The following TASOR2 variants were observed in gnomAD, a reference collection of about 807,000 sequenced individuals.
TASOR2 encodes the protein protein TASOR 2.
A neutral mutation model predicts 199.5 loss-of-function variants in TASOR2; 84 were observed. The observed-to-expected ratio is 0.42, with a 90% CI of 0.35 to 0.50. The LOEUF (loss-of-function observed/expected upper bound fraction) is 0.50, where lower values mean the gene tolerates loss of function less well. Ranked by LOEUF, TASOR2 falls within the 20% of genes least tolerant of loss-of-function variation. TASOR2 has a pLI of 0.02. For synonymous variants in TASOR2, 1,103 were observed against 1,046.6 expected (o/e 1.05, Z -1.04); for missense variants, 2,796 against 2,835.9 (o/e 0.99, Z 0.32).
At position 5,701,384 on chromosome 10, in the gene TASOR2, A is replaced by G. The variant is rs367772467; in HGVS notation, c.-287-11439A>G. Among the ~76,000 whole-genome samples the G allele has an allele frequency of 1.1e-4, 16 of 152,212 alleles. No individual in the cohort carries two copies. Among genetic ancestry groups the G allele is most frequent in the Non-Finnish European group, 1.6e-4 (11 of 67,986 alleles). ...TAGCTTTGTAGTAAATTTTGAAGTC[A>G]GGTAGTGTGATGCCTCCAGCTTTGT... is the stretch of plus-strand genomic sequence containing the variant. On this transcript the variant is annotated intron_variant, in intron 1 of 20. Coordinates refer to ENST00000328090, the Ensembl canonical transcript of TASOR2. The surrounding 1 kb of genome is among the most constrained non-coding windows in gnomAD (Gnocchi z 4.9).
chr10:5,703,232 G>A (rs1349141647), intron 1 of TASOR2, among the ~76,000 whole-genome samples: 5 of 152,094 alleles, frequency 3.3e-5, no homozygotes, highest in African/African-American at 1.2e-4. Context: ...TTTAAAGGGA[G>A]TACTTTAATG....
intron 1 of TASOR2, among the ~76,000 whole-genome samples, chr10:5,696,227 C>T (rs969217541): frequency 3.3e-5 from 5 of 152,186 alleles, no homozygotes; most frequent in Admixed American, 6.5e-5. Flanking sequence ...AACTTACCAG[C>T]CCATGGCACA....
At chr10:5,753,737 G>T (rs745320550) in intron 15 of TASOR2, among the ~76,000 whole-genome samples, 1 of 152,134 alleles carries the variant, frequency 6.6e-6, no homozygotes, top group Non-Finnish European at 1.5e-5. Context: ...CAAGTTCCTT[G>T]CCATTTCGGT....
intron 20 of TASOR2, 103 bp from the exon 22 acceptor site, chr10:5,762,926 C>G: frequency 9.3e-7 from 1 of 1,078,210 alleles, no homozygotes; most frequent in Non-Finnish European, 1.4e-6. Flanking sequence ...ATAATGTAAC[C>G]TTAGAATGCA....
rs138238864 is a variant in TASOR2 at position 5,758,732 on chromosome 10, C to T, written c.6887-155C>T. 1.2e-3 allele frequency among the ~76,000 whole-genome samples: 188 copies of T among 152,360 alleles called. 3 individuals carry two copies. In the East Asian group the frequency reaches 0.027, roughly 22 times the overall value. Reference sequence around the variant, plus strand: ...CTGAGGGGCTTGTGAGAGCAGGATGCTGCCCAACCACATAAGTGACAGTGA... The same window carrying T: ...CTGAGGGGCTTGTGAGAGCAGGATGTTGCCCAACCACATAAGTGACAGTGA... On this transcript the variant is annotated intron_variant, in intron 17 of 20. Coordinates refer to ENST00000328090, the Ensembl canonical transcript of TASOR2.
At chr10:5,724,889 A>T (rs1218670789) in intron 8 of TASOR2, among the ~76,000 whole-genome samples, 3 of 152,046 alleles carry the variant, frequency 2.0e-5, no homozygotes, top group African/African-American at 7.2e-5. Context: ...AATTAGGCAC[A>T]GTAAGAGATT....
rs118135927 is a variant in TASOR2 at position 5,735,921 on chromosome 10, G to A, written c.1447+375G>A. ...TAGAAGATTATAAGTTTATCTAAAG[G>A]GAATTATAAACAGACTGTCCAAAAC... On this transcript the variant is annotated intron_variant, in intron 12 of 20. Coordinates refer to ENST00000328090, the Ensembl canonical transcript of TASOR2. 6.1e-3 allele frequency among the ~76,000 whole-genome samples: 929 copies of A among 152,150 alleles called. 16 individuals are homozygous for A. Among genetic ancestry groups the A allele is most frequent in the South Asian group, 0.045 (216 of 4,818 alleles).
At position 5,748,336 on chromosome 10, in the gene TASOR2, G is replaced by A; in HGVS notation, c.4915G>A (p.Ala1639Thr). ...TCTGCAGGTGAAGTCCTTGACAGCT[G>A]CCTCGGTTGATGGAGCTTATTCTAC... Residue 1639 changes from alanine to threonine, a missense_variant, in exon 15 of 21, where the codon GCC becomes ACC. Transcript: ENST00000328090. This position sits in a 1 kb window ranked among gnomAD's most constrained non-coding sequence, Gnocchi z 5.1. 1.2e-6 allele frequency: 2 copies of A among 1,614,236 alleles called. No individual in the cohort carries two copies. The highest frequency in any genetic ancestry group is 1.7e-6 in the Non-Finnish European group (2 of 1,180,050).
At chr10:5,712,788 A>G (rs935663533) in intron 1 of TASOR2, 35 bp from the exon 2 acceptor site, 2 of 1,060,820 alleles carry the variant, frequency 1.9e-6, no homozygotes, top group African/African-American at 3.3e-5. Flanking sequence ...TAGTATGTTT[A>G]TAGCGTTTGG....
chr10:5,749,759 A>G (rs76566496), exon 15 of TASOR2: 67 of 1,614,224 alleles, frequency 4.2e-5, no homozygotes, highest in Middle Eastern at 1.6e-4. Flanking sequence ...CTTATTCTCA[A>G]TGAGTATGCT....
intron 8 of TASOR2, among the ~76,000 whole-genome samples, chr10:5,726,505 A>T (rs1320769337): frequency 6.6e-6 from 1 of 152,230 alleles, no homozygotes; most frequent in Non-Finnish European, 1.5e-5. Context: ...TGAGCTTAAG[A>T]TGCTACTTAT....
chr10:5,727,400 T>C (rs1483044435), intron 10 of TASOR2, among the ~76,000 whole-genome samples: 1 of 152,220 alleles, frequency 6.6e-6, no homozygotes, highest in African/African-American at 2.4e-5. Context: ...TCATTTATTA[T>C]TAAATTTTGC....
chr10:5,762,982 G>A, intron 20 of TASOR2, 47 bp from the exon 22 acceptor site: 1 of 1,577,656 alleles, frequency 6.3e-7, no homozygotes, highest in Non-Finnish European at 8.7e-7. Flanking sequence ...AATATTTCTT[G>A]TTCGTATTAT....
intron 15 of TASOR2, among the ~76,000 whole-genome samples, chr10:5,753,974 A>G (rs548805186): frequency 4.9e-4 from 75 of 152,200 alleles, no homozygotes; most frequent in Non-Finnish European, 9.8e-4. Context: ...GTTTTGGCAC[A>G]GTGAGCAAAA....
intron 16 of TASOR2, 33 bp downstream of exon 17, chr10:5,756,771 T>G: frequency 6.2e-7 from 1 of 1,603,206 alleles, no homozygotes; most frequent in Non-Finnish European, 8.5e-7. Context: ...AGAAACGTAT[T>G]CCAGGCACAT....
At position 5,730,843 on chromosome 10, in the gene TASOR2, G is replaced by A; in HGVS notation, c.844G>A (p.Ala282Thr). 1 of 1,614,186 alleles carries A rather than the reference G, an allele frequency of 6.2e-7. No homozygotes were observed. The highest frequency in any genetic ancestry group is 8.5e-7 in the Non-Finnish European group (1 of 1,180,030). Reference sequence around the variant, plus strand: ...AGTGTCTACTGCTTTGGACTTGCTAGCAGAGCATCCTCAGTCTCCTTGTGT... The same window carrying A: ...AGTGTCTACTGCTTTGGACTTGCTAACAGAGCATCCTCAGTCTCCTTGTGT... Residue 282 changes from alanine (A) to threonine (T), a missense_variant, in exon 11 of 21, where the codon GCA (alanine) becomes ACA (threonine). By Grantham distance (58) the Ala-to-Thr change is moderately conservative (BLOSUM62 0). Transcript: ENST00000328090. The surrounding 1 kb of genome is among the most constrained non-coding windows in gnomAD (Gnocchi z 4.1).
chr10:5,687,584 C>G lies in TASOR2; in HGVS notation c.-288+2409C>G, dbSNP rs1380314376. ...CCTGTAATCCCAGCACTTTGGGAGG[C>G]CAAGGCAGGTGGATCACTTGAGGTC... is the stretch of plus-strand genomic sequence containing the variant. On this transcript the variant is annotated intron_variant, in intron 1 of 20. Coordinates refer to ENST00000328090, the Ensembl canonical transcript of TASOR2. This position sits in a 1 kb window ranked among gnomAD's most constrained non-coding sequence, Gnocchi z 4.8. 6.6e-6 allele frequency among the ~76,000 whole-genome samples: 1 copy of G among 152,208 alleles called. No individual in the cohort carries two copies. Among genetic ancestry groups the G allele is most frequent in the Non-Finnish European group, 1.5e-5 (1 of 68,040 alleles).
exon 11 of TASOR2, chr10:5,731,100 C>T (rs1354062168): frequency 3.7e-6 from 6 of 1,613,618 alleles, no homozygotes; most frequent in Non-Finnish European, 5.1e-6. Flanking sequence ...TGAACTTGTG[C>T]CGCCCCTTTC....
intron 16 of TASOR2, 75 bp downstream of exon 17, chr10:5,756,813 C>CTTT (rs1839025679): frequency 1.4e-6 from 2 of 1,481,000 alleles, no homozygotes; most frequent in Admixed American, 4.1e-5. Context: ...ACTCATCCCT[C>CTTT]TTTTTTTATG....
Sources: allele counts gnomAD v4.1 joint callset (sites outside exome capture counted in the v4.1 genomes callset), GRCh38; gene constraint gnomAD v4.1.1; non-coding constraint Gnocchi (gnomAD v3.1); transcripts MANE v1.5; gene names NCBI Gene and HGNC (gene_info 2026-07-23, HGNC 2026-07-21).